MPND: variants seen among roughly 807,000 people sequenced by gnomAD.
The protein encoded by MPND is MPN domain-containing protein.
MPND carries 56 observed loss-of-function variants against 59.2 expected under a neutral mutation model. The ratio of observed to expected loss-of-function variants is 0.95; its 90% CI spans 0.76 to 1.18. MPND has a LOEUF of 1.18. MPND is among the 50% of genes most tolerant of loss of function. The pLI, the probability that MPND is intolerant of heterozygous loss-of-function variation, is 0.00. For missense variants in MPND, 671 were observed against 676.0 expected (o/e 0.99, Z 0.08); for synonymous variants, 323 against 291.9 (o/e 1.11, Z -1.09).
Position 4,343,935 on chromosome 19 carries a change from G to A in MPND, c.235G>A (p.Val79Met), listed in dbSNP as rs2144810294. The A allele has an allele frequency of 3.6e-6, 5 of 1,370,870 alleles. No homozygotes were observed. Among genetic ancestry groups the A allele is most frequent in the Non-Finnish European group, 4.7e-6 (5 of 1,059,688 alleles). 84.9% of individuals were successfully genotyped at this position (1,370,870 alleles called of 1,614,324 possible). The change falls in exon 2 of 13, where the codon GTG becomes ATG. Residue 79 changes from valine (V) to methionine (M), a missense_variant. Val to Met is a conservative substitution (Grantham distance 21). Transcript: ENST00000599840. ...CACCAGGCGCGCGGTCACACTGCGGGTGCTCCTCAAAGACGCGCTGCTGGA... is the reference window on the plus strand; with the variant it reads ...CACCAGGCGCGCGGTCACACTGCGGATGCTCCTCAAAGACGCGCTGCTGGA... ...ALTRRAVTLR[V>M]LLKDALLEPG...
chr19:4,354,697 C>T, intron 6 of MPND: 1 of 591,698 alleles, frequency 1.7e-6, no homozygotes, highest in African/African-American at 1.9e-5. Context: ...AACCCTGTCT[C>T]TACTAAATAT....
chr19:4,355,180 G>A lies in MPND; in HGVS notation c.996+7G>A. On this transcript the variant is annotated splice_region_variant and intron_variant, in intron 8 of 12. Transcript: ENST00000599840. ...AGCTGCCATCGAAGAGGAGGTGAGGGGCTACCTGGGAGGTGGCATTCTGGG... is the reference window on the plus strand; with the variant it reads ...AGCTGCCATCGAAGAGGAGGTGAGGAGCTACCTGGGAGGTGGCATTCTGGG... 6.2e-7 allele frequency: 1 copy of A among 1,612,538 alleles called. No individual in the cohort carries two copies. The highest frequency in any genetic ancestry group is 2.2e-5 in the East Asian group (1 of 44,866).
At chr19:4,352,704 T>G (rs953753656) in intron 3 of MPND, among the ~76,000 whole-genome samples, 193 bp from the exon 4 acceptor site, 1 of 126,948 alleles carries the variant, frequency 7.9e-6, no homozygotes. Context: ...AAATAAAAAA[T>G]AAATTACAAA....
rs752430519 is a variant in MPND, at chr19:4,359,287, G to A, written c.1419+32G>A. The stretch of plus-strand genomic sequence containing the variant: ...CCCAAGTCCCCGCAGACCTCCTAAC[G>A]GGGCCCCAGGAGAGGCCCCCTGGGC... On this transcript the variant is annotated intron_variant, in intron 12 of 12. Coordinates refer to ENST00000599840, the MANE Select transcript of MPND (RefSeq NM_001300862.2). The A allele has an allele frequency of 8.9e-6, 14 of 1,577,656 alleles. No homozygotes were observed. The Admixed American group carries it at 1.2e-4, about 13-fold the overall frequency.
At chr19:4,354,540 C>G (rs1972392272) in intron 6 of MPND, 120 bp downstream of exon 6, 2 of 812,312 alleles carry the variant, frequency 2.5e-6, no homozygotes, top group Admixed American at 4.6e-5. Flanking sequence ...TTGTTTGCTA[C>G]TGGTACACTG....
chr19:4,359,924 G>A lies in MPND; in HGVS notation c.1428G>A (p.Leu476=). 1 of 1,568,820 alleles carries A rather than the reference G, an allele frequency of 6.4e-7. No individual in the cohort carries two copies. Among genetic ancestry groups the A allele is most frequent in the Non-Finnish European group, 8.6e-7 (1 of 1,156,588 alleles). ...HTYLDKLKIS[L]ASRTPKDQSL... ...CAGCCCCCTCGTTTCAGATCTCCTT[G>A]GCCAGCAGGACGCCCAAGGACCAGA... The change falls in exon 13 of 13, where the codon TTG becomes TTA. Residue 476 remains leucine (L), a synonymous_variant. Coordinates refer to ENST00000599840, the MANE Select transcript of MPND (RefSeq NM_001300862.2).
intron 8 of MPND, among the ~76,000 whole-genome samples, chr19:4,355,525 C>T (rs886973873): frequency 5.6e-4 from 85 of 152,202 alleles, no homozygotes; most frequent in Non-Finnish European, 9.3e-4. Context: ...TTAGTAGAGA[C>T]GGGGTTTCAC....
In MPND at chr19:4,359,334, G is replaced by A. The variant is rs1253725782; in HGVS notation, c.1419+79G>A. On this transcript the variant is annotated intron_variant, in intron 12 of 12. Transcript: ENST00000599840. ...GGGCAGCCTAAAAGGTGGCAGCAAT[G>A]AGCCCCGTGGGCCTCAGGGGCCTGA... 7.5e-6 allele frequency: 8 copies of A among 1,071,292 alleles called. No individual in the cohort carries two copies. The East Asian group carries it at 1.7e-4, about 23-fold the overall frequency. 66.4% of individuals were successfully genotyped at this position (1,071,292 alleles called of 1,614,324 possible).
Position 4,343,619 on chromosome 19 carries a change from G to A in MPND, c.7+19G>A. 1 of 1,214,368 alleles carries A rather than the reference G, an allele frequency of 8.2e-7. No individual in the cohort carries two copies. The highest frequency in any genetic ancestry group is 1.0e-6 in the Non-Finnish European group (1 of 976,844). 75.2% of individuals were successfully genotyped at this position (1,214,368 alleles called of 1,614,324 possible). A position where few individuals can be genotyped will look rare whatever the true frequency, so the allele number is the denominator to read the frequency against. ...ATGGCAGGTACGGCGGGCCCAGCGGGGCGGAGGCGCGGGGCGCGGGGCTGC... is the reference window on the plus strand; with the variant it reads ...ATGGCAGGTACGGCGGGCCCAGCGGAGCGGAGGCGCGGGGCGCGGGGCTGC... On this transcript the variant is annotated intron_variant, in intron 1 of 12. Transcript: ENST00000599840.
At position 4,357,552 on chromosome 19, in the gene MPND, G is replaced by A. The variant is rs759879338; in HGVS notation, c.1203G>A (p.Lys401=). Residue 401 remains lysine (K), a synonymous_variant, in exon 10 of 13, where the codon AAG becomes AAA. Coordinates refer to ENST00000599840, the MANE Select transcript of MPND (RefSeq NM_001300862.2). ...YYSGNPGPES[K]ISPFWVMPPP... is the part of the protein sequence containing the mutation. ...CTGGCAACCCAGGCCCCGAGTCCAA[G>A]ATCTCACCTTTCTGGGTGATGCCTC... The A allele has an allele frequency of 2.5e-6, 4 of 1,613,656 alleles. No homozygotes were observed. The South Asian group carries it at 3.3e-5, about 13-fold the overall frequency.
In MPND at chr19:4,343,862, C is replaced by T. The variant is rs1291753062; in HGVS notation, c.162C>T (p.Gly54=). 1.6e-5 allele frequency: 19 copies of T among 1,170,758 alleles called. No individual in the cohort carries two copies. Among genetic ancestry groups the T allele is most frequent in the South Asian group, 4.2e-5 (1 of 23,602 alleles). The allele number at this position is 1,170,758 out of a possible 1,614,324, so 72.5% of individuals were successfully genotyped here. A position where few individuals can be genotyped will look rare whatever the true frequency, so the allele number is the denominator to read the frequency against. Residue 54 remains glycine (G), a synonymous_variant, in exon 2 of 13, where the codon GGC becomes GGT. Coordinates refer to ENST00000599840, the MANE Select transcript of MPND (RefSeq NM_001300862.2). Reference sequence around the variant, plus strand: ...GCAGTAGCGTCAGCGGAGGAGGCGGCGGCGGCGGGGCCGGGGCGGGGGGCT... The same window carrying T: ...GCAGTAGCGTCAGCGGAGGAGGCGGTGGCGGCGGGGCCGGGGCGGGGGGCT... ...GGGSSVSGGG[G]GGGAGAGGCG... is the part of the protein sequence containing the mutation.
intron 3 of MPND, among the ~76,000 whole-genome samples, chr19:4,351,012 G>A (rs1324897450): frequency 6.6e-6 from 1 of 152,174 alleles, no homozygotes; most frequent in Non-Finnish European, 1.5e-5. Flanking sequence ...GTCAGATGCT[G>A]CCGAGAAGGT....
chr19:4,359,140 G>T (rs779611321), intron 11 of MPND, 23 bp from the exon 12 acceptor site: 2 of 1,562,334 alleles, frequency 1.3e-6, no homozygotes, highest in Non-Finnish European at 1.8e-6. Context: ...GAGCCTGGGA[G>T]TCCATGCTCC....
chr19:4,357,627 C>T (rs1972472310), intron 10 of MPND, 42 bp downstream of exon 10: 1 of 1,571,980 alleles, frequency 6.4e-7, no homozygotes, highest in South Asian at 1.2e-5. Flanking sequence ...CCCGGGAGCA[C>T]TGGGGCATTT....
At chr19:4,348,343 C>T (rs1408066412) in intron 3 of MPND, 1 of 148,644 alleles carries the variant, frequency 6.7e-6, no homozygotes, top group Non-Finnish European at 1.5e-5. Flanking sequence ...TCACTGCAAC[C>T]TCTGCCTCCC....
Position 4,353,240 on chromosome 19 carries a change from T to C in MPND, c.664+211T>C, listed in dbSNP as rs191391230. Among the ~76,000 whole-genome samples, 492 of 152,270 alleles carry C rather than the reference T, an allele frequency of 3.2e-3. 8 individuals carry two copies. Among genetic ancestry groups the C allele is most frequent in the African/African-American group, 0.01 (427 of 41,548 alleles). On this transcript the variant is annotated intron_variant, in intron 4 of 12. Coordinates refer to ENST00000599840, the MANE Select transcript of MPND (RefSeq NM_001300862.2). The stretch of plus-strand genomic sequence containing the variant: ...TACTCACTGCCTTGACTTCTTAAGC[T>C]CAAATGCTGGATTTTATTTTATTTT...
chr19:4,343,581 G>A lies in MPND; in HGVS notation c.-13G>A. 2 of 1,220,742 alleles carry A rather than the reference G, an allele frequency of 1.6e-6. No individual in the cohort carries two copies. Among genetic ancestry groups the A allele is most frequent in the Non-Finnish European group, 2.0e-6 (2 of 980,790 alleles). The allele number at this position is 1,220,742 out of a possible 1,614,324, so 75.6% of individuals were successfully genotyped here. On this transcript the variant is annotated 5_prime_UTR_variant, in exon 1 of 13. Coordinates refer to ENST00000599840, the MANE Select transcript of MPND (RefSeq NM_001300862.2). ...GCCGGAGTCTAGAGCTCCGGGCGCG[G>A]GGAGGCGCGGCCATGGCAGGTACGG...
intron 3 of MPND, among the ~76,000 whole-genome samples, chr19:4,351,376 T>G (rs912745405): frequency 2.0e-5 from 3 of 152,146 alleles, no homozygotes; most frequent in Admixed American, 6.5e-5. Context: ...GTGCTGGGAT[T>G]GCAGGCGTGG....
rs559189313 is a variant in MPND at position 4,353,098 on chromosome 19, G to A, written c.664+69G>A. Reference sequence around the variant, plus strand: ...CTCGGGTTGGGGAGGAGACTGGGGAGAGGTTGGGCCTTGATCTTCTCCTAG... The same window carrying A: ...CTCGGGTTGGGGAGGAGACTGGGGAAAGGTTGGGCCTTGATCTTCTCCTAG... On this transcript the variant is annotated intron_variant, in intron 4 of 12. Transcript: ENST00000599840. The A allele has an allele frequency of 3.0e-4, 378 of 1,246,458 alleles. 1 individual carries two copies. Among genetic ancestry groups the A allele is most frequent in the Non-Finnish European group, 3.5e-4 (341 of 962,948 alleles). 77.2% of individuals were successfully genotyped at this position (1,246,458 alleles called of 1,614,324 possible). A position where few individuals can be genotyped will look rare whatever the true frequency, so the allele number is the denominator to read the frequency against.
Sources: gnomAD v4.1 joint callset for allele counts (sites outside exome capture counted in the v4.1 genomes callset) on GRCh38, gnomAD v4.1.1 for gene constraint, MANE v1.5 for transcripts, NCBI Gene and HGNC (gene_info 2026-07-23, HGNC 2026-07-21) for gene names.